OPCML: variants seen among roughly 807,000 people sequenced by gnomAD.
OPCML encodes the protein opioid binding protein/cell adhesion molecule like.
OPCML carries 13 observed loss-of-function variants against 37.8 expected under a neutral mutation model. The observed-to-expected ratio is 0.34, with a 90% CI of 0.22 to 0.55. OPCML has a LOEUF of 0.55. Ranked by LOEUF, OPCML falls within the 20% of genes least tolerant of loss-of-function variation. The probability of loss-of-function intolerance (pLI) is 0.91; values close to 1 mark genes in which losing one functional copy is unlikely to be tolerated. For synonymous variants in OPCML, 176 were observed against 168.8 expected (o/e 1.04, Z -0.33); for missense variants, 341 against 435.6 (o/e 0.78, Z 1.93).
At position 132,953,710 on chromosome 11, in the gene OPCML, T is replaced by C. The variant is rs554973070; in HGVS notation, c.62-10700A>G. Among the ~76,000 whole-genome samples, 4 of 151,768 alleles carry C rather than the reference T, an allele frequency of 2.6e-5. No individual in the cohort carries two copies. In the East Asian group the frequency reaches 7.8e-4, roughly 29 times the overall value. ...TCCTTCCTCCCCAGAGAACCCAGAG[T>C]GTGGAGGAGAGAATGCCGCTGGAGG... On this transcript the variant is annotated intron_variant, in intron 1 of 7. Coordinates refer to ENST00000524381, the MANE Select transcript of OPCML (RefSeq NM_001012393.5).
At chr11:132,455,103 T>C (rs193084183) in intron 4 of OPCML, among the ~76,000 whole-genome samples, 2 of 152,342 alleles carry the variant, frequency 1.3e-5, no homozygotes, top group Admixed American at 1.3e-4. Flanking sequence ...AACGATCTTA[T>C]CTAAATCCCA....
At chr11:133,044,365 C>T (rs912062707) in intron 1 of OPCML, among the ~76,000 whole-genome samples, 1 of 152,170 alleles carries the variant, frequency 6.6e-6, no homozygotes, top group African/African-American at 2.4e-5. Context: ...GCTTTGTAAG[C>T]TATGACTCTT....
chr11:133,500,163 C>A (rs1947881433), intron 1 of OPCML, among the ~76,000 whole-genome samples: 1 of 152,108 alleles, frequency 6.6e-6, no homozygotes, highest in African/African-American at 2.4e-5. Context: ...AGCCACCGCA[C>A]CTGGCTAACT....
chr11:132,881,499 T>A (rs905491769), intron 2 of OPCML, among the ~76,000 whole-genome samples: 1 of 152,002 alleles, frequency 6.6e-6, no homozygotes, highest in Non-Finnish European at 1.5e-5. Flanking sequence ...TGGGCAAGGA[T>A]CCAGTCAAGG....
chr11:133,402,256 A>G (rs1242040884), intron 1 of OPCML, among the ~76,000 whole-genome samples: 1 of 152,130 alleles, frequency 6.6e-6, no homozygotes, highest in African/African-American at 2.4e-5. Flanking sequence ...TTTATAAAAA[A>G]AAACCCTTCT....
chr11:132,724,013 A>T (rs1309123505), intron 2 of OPCML, among the ~76,000 whole-genome samples: 1 of 152,172 alleles, frequency 6.6e-6, no homozygotes, highest in Non-Finnish European at 1.5e-5. Context: ...AGAACTGCCC[A>T]GTTGTTCTGG....
intron 2 of OPCML, among the ~76,000 whole-genome samples, chr11:132,870,913 TA>T (rs1303071619): frequency 2.6e-5 from 4 of 152,212 alleles, no homozygotes; most frequent in Admixed American, 2.6e-4. Flanking sequence ...AGGTGTGGCT[TA>T]TGAACATGTT....
intron 2 of OPCML, among the ~76,000 whole-genome samples, chr11:132,788,642 G>A (rs1328194198): frequency 1.3e-5 from 2 of 152,106 alleles, no homozygotes; most frequent in Non-Finnish European, 2.9e-5. Context: ...ACATTCTATA[G>A]GACAGGCACT....
At chr11:132,678,169 G>A (rs373780046) in intron 2 of OPCML, among the ~76,000 whole-genome samples, 31 of 152,230 alleles carry the variant, frequency 2.0e-4, no homozygotes, top group South Asian at 1.9e-3. Flanking sequence ...ATATTATCAG[G>A]GAAATGCAAA....
intron 2 of OPCML, among the ~76,000 whole-genome samples, chr11:132,671,994 A>G (rs1297971889): frequency 3.9e-5 from 6 of 152,166 alleles, no homozygotes; most frequent in Admixed American, 2.6e-4. Flanking sequence ...CAGCACACTG[A>G]CTACAGATTC....
intron 3 of OPCML, among the ~76,000 whole-genome samples, chr11:132,643,779 CCT>C (rs1295199698): frequency 3.0e-4 from 45 of 152,314 alleles, no homozygotes; most frequent in African/African-American, 1.1e-3. Flanking sequence ...CTCTCCCATG[CCT>C]CTCTCATTCA....
chr11:132,611,566 A>C (rs1306456944), intron 3 of OPCML, among the ~76,000 whole-genome samples: 1 of 152,072 alleles, frequency 6.6e-6, no homozygotes, highest in African/African-American at 2.4e-5. Context: ...TTTTTATCTC[A>C]TGAATTTTGT....
At chr11:133,221,937 A>T (rs1456981804) in intron 1 of OPCML, among the ~76,000 whole-genome samples, 1 of 152,180 alleles carries the variant, frequency 6.6e-6, no homozygotes, top group Non-Finnish European at 1.5e-5. Context: ...AAGATGTCTT[A>T]TGTGAGCAGA....
chr11:133,170,962 G>C (rs747687874), intron 1 of OPCML, among the ~76,000 whole-genome samples: 24 of 152,208 alleles, frequency 1.6e-4, no homozygotes, highest in Non-Finnish European at 1.5e-5. Context: ...CCTTAGGCAA[G>C]AGTTTCTCAA....
At chr11:133,530,795 C>A (rs1236610780) in intron 1 of OPCML, among the ~76,000 whole-genome samples, 1 of 152,200 alleles carries the variant, frequency 6.6e-6, no homozygotes, top group Non-Finnish European at 1.5e-5. Flanking sequence ...ACATTACAGG[C>A]TGGATTACTT....
At chr11:132,815,445 G>C (rs1006602515) in intron 2 of OPCML, among the ~76,000 whole-genome samples, 1 of 152,156 alleles carries the variant, frequency 6.6e-6, no homozygotes, top group Admixed American at 6.5e-5. Flanking sequence ...TGTTTCAATG[G>C]GTGCCCTTCG....
At chr11:132,902,973 C>T (rs1209917513) in intron 2 of OPCML, among the ~76,000 whole-genome samples, 1 of 152,040 alleles carries the variant, frequency 6.6e-6, no homozygotes, top group Non-Finnish European at 1.5e-5. Context: ...ACCACCTCCC[C>T]CAGAGCCCAG....
intron 3 of OPCML, among the ~76,000 whole-genome samples, chr11:132,567,077 C>A (rs1410819280): frequency 6.6e-6 from 1 of 151,168 alleles, no homozygotes; most frequent in African/African-American, 2.4e-5. Flanking sequence ...CAGGCAGAAA[C>A]AGAGTGGCCT....
chr11:133,499,345 A>G (rs1202066981), intron 1 of OPCML, among the ~76,000 whole-genome samples: 1 of 152,238 alleles, frequency 6.6e-6, no homozygotes, highest in Non-Finnish European at 1.5e-5. Flanking sequence ...AATGGTGCCT[A>G]GCTTTGTTTA....
Sources: allele counts gnomAD v4.1 joint callset (sites outside exome capture counted in the v4.1 genomes callset), GRCh38; gene constraint gnomAD v4.1.1; transcripts MANE v1.5; gene names NCBI Gene and HGNC (gene_info 2026-07-23, HGNC 2026-07-21).